CNTN5: variants seen among roughly 807,000 people sequenced by gnomAD.
The protein encoded by CNTN5 is contactin-5.
A neutral mutation model predicts 129.1 loss-of-function variants in CNTN5; 77 were observed. That is an observed-to-expected ratio of 0.60 (90% confidence interval 0.50 to 0.72). CNTN5 has a LOEUF of 0.72. CNTN5 is among the 30% of genes least tolerant of loss of function. The pLI is 0.00. For missense variants in CNTN5, 1,478 were observed against 1,328.8 expected, an observed-to-expected ratio of 1.11 and a Z score of -1.75; for synonymous variants, 509 against 465.6, an observed-to-expected ratio of 1.09 and a Z score of -1.20.
chr11:99,107,609 GA>G (rs896662153), intron 1 of CNTN5, among the ~76,000 whole-genome samples: 17 of 151,148 alleles, frequency 1.1e-4, no homozygotes, highest in African/African-American at 1.5e-4. Context: ...TTACATTGCA[GA>G]AAAAAAAATC....
intron 1 of CNTN5, among the ~76,000 whole-genome samples, chr11:99,200,830 C>T (rs1447913260): frequency 2.0e-5 from 3 of 152,044 alleles, no homozygotes; most frequent in Non-Finnish European, 1.5e-5. Context: ...AGGTGATTAG[C>T]TAGATAATAT....
At chr11:100,075,156 A>G (rs556653876) in intron 13 of CNTN5, among the ~76,000 whole-genome samples, 2 of 152,326 alleles carry the variant, frequency 1.3e-5, no homozygotes, top group African/African-American at 4.8e-5. Context: ...GGTTCACTTG[A>G]ATAATTTCTT....
At chr11:100,121,038 A>C (rs149170927) in intron 13 of CNTN5, among the ~76,000 whole-genome samples, 3,054 of 152,044 alleles carry the variant, frequency 0.02, 56 homozygotes, top group Middle Eastern at 0.16. Flanking sequence ...TTAATTGGAG[A>C]AAAAGGCATA....
intron 3 of CNTN5, among the ~76,000 whole-genome samples, chr11:99,761,055 A>C (rs910643961): frequency 6.6e-6 from 1 of 152,172 alleles, no homozygotes; most frequent in African/African-American, 2.4e-5. Context: ...GATGAAAGAT[A>C]AGTTAAAAAT....
chr11:99,271,640 G>A (rs1322728257), intron 1 of CNTN5, among the ~76,000 whole-genome samples: 1 of 151,808 alleles, frequency 6.6e-6, no homozygotes, highest in East Asian at 1.9e-4. Flanking sequence ...TGTGATCCAG[G>A]TGTTGGCTGG....
chr11:99,956,563 A>C (rs377737035), intron 7 of CNTN5, among the ~76,000 whole-genome samples: 2 of 152,232 alleles, frequency 1.3e-5, no homozygotes, highest in South Asian at 2.1e-4. Flanking sequence ...TGTTCAGTAC[A>C]CATTGGAATT....
intron 1 of CNTN5, among the ~76,000 whole-genome samples, chr11:99,237,992 G>A (rs1861365740): frequency 6.6e-6 from 1 of 152,088 alleles, no homozygotes; most frequent in Admixed American, 6.5e-5. Context: ...ATATAACAGA[G>A]CGCTATTGTA....
chr11:100,042,964 C>T (rs568306195), intron 9 of CNTN5, among the ~76,000 whole-genome samples: 2 of 152,300 alleles, frequency 1.3e-5, no homozygotes, highest in South Asian at 4.1e-4. Context: ...CAGAACTGTG[C>T]TCTTCCTTTC....
chr11:99,921,604 A>G (rs12417997), intron 7 of CNTN5, among the ~76,000 whole-genome samples: 9,241 of 152,214 alleles, frequency 0.061, 555 homozygotes, highest in East Asian at 0.27. Context: ...CTAGCATTCC[A>G]TATACTGCAC....
At chr11:99,365,973 G>A (rs1383446067) in intron 2 of CNTN5, among the ~76,000 whole-genome samples, 4 of 152,100 alleles carry the variant, frequency 2.6e-5, no homozygotes, top group Admixed American at 2.6e-4. Flanking sequence ...TCAGCCTAAG[G>A]GAAAGAGTAT....
intron 6 of CNTN5, among the ~76,000 whole-genome samples, chr11:99,870,560 A>G (rs956024101): frequency 6.6e-6 from 1 of 152,140 alleles, no homozygotes; most frequent in African/African-American, 2.4e-5. Context: ...AAGCCAACCA[A>G]ACTAACAATT....
chr11:100,253,029 T>C (rs1950000633), intron 16 of CNTN5, among the ~76,000 whole-genome samples: 1 of 152,148 alleles, frequency 6.6e-6, no homozygotes, highest in African/African-American at 2.4e-5. Flanking sequence ...ATGGCTTGCA[T>C]GTTCAGGGAG....
intron 3 of CNTN5, among the ~76,000 whole-genome samples, chr11:99,742,707 A>G (rs988645550): frequency 6.6e-6 from 1 of 152,146 alleles, no homozygotes. Flanking sequence ...GAGATAAGAA[A>G]TTTACGCTGG....
chr11:100,111,988 G>T (rs1945672248), intron 13 of CNTN5, among the ~76,000 whole-genome samples: 1 of 152,086 alleles, frequency 6.6e-6, no homozygotes, highest in African/African-American at 2.4e-5. Context: ...TTTAAATGCT[G>T]CAATTTTTCC....
intron 9 of CNTN5, among the ~76,000 whole-genome samples, chr11:100,045,354 A>G (rs1942609374): frequency 1.3e-5 from 2 of 152,282 alleles, no homozygotes; most frequent in African/African-American, 4.8e-5. Context: ...TAGGTAAATA[A>G]TTAGGGGCCA....
chr11:99,408,466 GAAAGAA>G (rs1942224295), intron 2 of CNTN5, among the ~76,000 whole-genome samples: 1 of 133,110 alleles, frequency 7.5e-6, no homozygotes, highest in African/African-American at 2.7e-5. Flanking sequence ...AAGAAAGAAA[GAAAGAA>G]AGAAAGAAAG....
chr11:99,713,608 T>C (rs71474537), intron 3 of CNTN5, among the ~76,000 whole-genome samples: 8,183 of 152,010 alleles, frequency 0.054, 385 homozygotes, highest in South Asian at 0.2. Context: ...ATCATAAATA[T>C]GTATGTATGT....
intron 3 of CNTN5, among the ~76,000 whole-genome samples, chr11:99,706,171 A>G (rs973547832): frequency 6.6e-6 from 1 of 151,476 alleles, no homozygotes; most frequent in Admixed American, 6.6e-5. Context: ...AGAAGGGGGA[A>G]CAAATCTGAT....
intron 9 of CNTN5, among the ~76,000 whole-genome samples, chr11:100,018,375 C>G (rs536456974): frequency 6.6e-5 from 10 of 152,026 alleles, no homozygotes; most frequent in African/African-American, 2.4e-4. Context: ...GACTACGTTA[C>G]CTTTTCTAGT....
Sources: allele counts gnomAD v4.1 joint callset (sites outside exome capture counted in the v4.1 genomes callset), GRCh38; gene constraint gnomAD v4.1.1; transcripts MANE v1.5; gene names NCBI Gene and HGNC (gene_info 2026-07-23, HGNC 2026-07-21).